Variants in SHC3 observed in about 807,000 individuals in gnomAD.
SHC3 encodes SHC adaptor protein 3.
In SHC3, 15 loss-of-function variants were observed where a neutral mutation model predicts 60.4. That is an observed-to-expected ratio of 0.25 (90% CI 0.17 to 0.38). SHC3 has a LOEUF of 0.38. Among genes scored for constraint, SHC3 ranks in the 10% least tolerant of loss-of-function variants. The probability of loss-of-function intolerance (pLI) is 1.00; values close to 1 mark genes in which losing one functional copy is unlikely to be tolerated. For missense variants in SHC3, 677 were observed against 786.1 expected, an observed-to-expected ratio of 0.86 and a Z score of 1.66; for synonymous variants, 294 against 325.9, an observed-to-expected ratio of 0.90 and a Z score of 1.05.
chr9:89,093,551 TC>T (rs1825657172), intron 2 of SHC3, among the ~76,000 whole-genome samples: 1 of 137,176 alleles, frequency 7.3e-6, no homozygotes. Context: ...AAGTAGAGTC[TC>T]CAAAAAAAAA....
intron 11 of SHC3, among the ~76,000 whole-genome samples, chr9:89,027,083 A>G (rs1199524940): frequency 6.6e-6 from 1 of 152,204 alleles, no homozygotes; most frequent in East Asian, 1.9e-4. Context: ...AATTGTTCCC[A>G]GTCAGGATTT....
intron 10 of SHC3, among the ~76,000 whole-genome samples, chr9:89,039,779 C>G (rs1346706949): frequency 6.7e-6 from 1 of 148,420 alleles, no homozygotes; most frequent in Non-Finnish European, 1.5e-5. Flanking sequence ...CATCACTATC[C>G]CCTCACCATT....
chr9:89,021,910 C>T (rs9410295), intron 11 of SHC3, among the ~76,000 whole-genome samples: 62,904 of 152,020 alleles, frequency 0.41, 14,542 homozygotes, highest in East Asian at 0.84. Context: ...CTCTGCCTGC[C>T]CCTGGGGGCT....
chr9:89,070,926 C>T (rs968822280), intron 5 of SHC3, among the ~76,000 whole-genome samples: 14 of 152,282 alleles, frequency 9.2e-5, no homozygotes, highest in Admixed American at 2.6e-4. Context: ...GCCAGGGGGA[C>T]TATTTCATCA....
chr9:89,088,016 A>T (rs1475254101), intron 2 of SHC3, among the ~76,000 whole-genome samples: 1 of 152,200 alleles, frequency 6.6e-6, no homozygotes. Context: ...GAAAATCTAC[A>T]CTCTGTAGAA....
intron 1 of SHC3, among the ~76,000 whole-genome samples, chr9:89,123,384 A>G (rs1011414566): frequency 1.3e-5 from 2 of 152,202 alleles, no homozygotes; most frequent in Non-Finnish European, 2.9e-5. Context: ...ATTAGAAACT[A>G]TCTGGAACCT....
intron 2 of SHC3, among the ~76,000 whole-genome samples, chr9:89,100,931 C>G (rs1251673691): frequency 2.0e-5 from 3 of 152,168 alleles, no homozygotes; most frequent in Non-Finnish European, 4.4e-5. Context: ...ATTTAAGATT[C>G]AGCTTGTCAA....
In SHC3 at chr9:89,178,312, C is replaced by T; in HGVS notation, c.149G>A (p.Gly50Asp). The T allele has an allele frequency of 6.3e-7, 1 of 1,589,498 alleles. No individual in the cohort carries two copies. Residue 50 changes from glycine to aspartate, a missense_variant, in exon 1 of 12, where the codon GGC becomes GAC. By Grantham distance (94) the Gly-to-Asp change is moderately conservative (BLOSUM62 -1). Coordinates refer to ENST00000375835, the MANE Select transcript of SHC3 (RefSeq NM_016848.6). The surrounding 1 kb of genome is among the most constrained non-coding windows in gnomAD (Gnocchi z 6.9). ...TPAAAPYLVSGEALRKAPDDG... is the reference protein window; with the variant it reads ...TPAAAPYLVSDEALRKAPDDG... ...GTCGGGCGCCTTGCGCAGCGCCTCGCCGGACACCAAGTAGGGAGCCGCCGC... is the reference window on the plus strand; with the variant it reads ...GTCGGGCGCCTTGCGCAGCGCCTCGTCGGACACCAAGTAGGGAGCCGCCGC...
chr9:89,168,361 A>G (rs1299727155), intron 1 of SHC3, among the ~76,000 whole-genome samples: 1 of 152,064 alleles, frequency 6.6e-6, no homozygotes, highest in Non-Finnish European at 1.5e-5. Flanking sequence ...GCTACTCAGG[A>G]GGCTGAGGCA....
chr9:89,166,539 G>T (rs1027424205), intron 1 of SHC3, among the ~76,000 whole-genome samples: 4 of 152,190 alleles, frequency 2.6e-5, no homozygotes, highest in African/African-American at 9.7e-5. Context: ...AGTCCTCCAG[G>T]GAGAGGCTGT....
At position 89,069,664 on chromosome 9, in the gene SHC3, C is replaced by G. The variant is rs568626437; in HGVS notation, c.783+1535G>C. Among the ~76,000 whole-genome samples, 6 of 152,340 alleles carry G rather than the reference C, an allele frequency of 3.9e-5. No homozygotes were observed. In the South Asian group the frequency reaches 1.2e-3, roughly 32 times the overall value. ...TTGGCTCAAGGGTCTGAGATGGGGT[C>G]ACTGAGAAGCAGCAGGGCCCAAGCC... On this transcript the variant is annotated intron_variant, in intron 5 of 11. Coordinates refer to ENST00000375835, the MANE Select transcript of SHC3 (RefSeq NM_016848.6).
At chr9:89,168,883 A>T (rs377250509) in intron 1 of SHC3, among the ~76,000 whole-genome samples, 2 of 152,130 alleles carry the variant, frequency 1.3e-5, no homozygotes, top group Non-Finnish European at 2.9e-5. Flanking sequence ...ATAGGAGAGA[A>T]TTCCTCTTGT....
At chr9:89,022,926 T>G (rs1440473914) in intron 11 of SHC3, among the ~76,000 whole-genome samples, 2 of 152,360 alleles carry the variant, frequency 1.3e-5, no homozygotes, top group Admixed American at 6.5e-5. Context: ...AATTGCACTA[T>G]TTTGCACCTC....
chr9:89,036,245 C>T (rs1429198164), intron 11 of SHC3, among the ~76,000 whole-genome samples: 1 of 152,130 alleles, frequency 6.6e-6, no homozygotes, highest in African/African-American at 2.4e-5. Context: ...AAGATAAGAA[C>T]ATAAAATTTA....
intron 2 of SHC3, among the ~76,000 whole-genome samples, chr9:89,105,715 C>T (rs1249377084): frequency 6.6e-6 from 1 of 152,136 alleles, no homozygotes; most frequent in East Asian, 1.9e-4. Flanking sequence ...ATCCTAGTGT[C>T]ATCCTCATCA....
chr9:89,174,827 TA>T (rs1435835433), intron 1 of SHC3, among the ~76,000 whole-genome samples: 1 of 152,232 alleles, frequency 6.6e-6, no homozygotes, highest in Non-Finnish European at 1.5e-5. Context: ...ACTGGCTCTT[TA>T]AAAACTGAAC....
In SHC3 at chr9:89,073,435, TTGC is replaced by T. The variant is rs566821115; in HGVS notation, c.729+1671_729+1673del. On this transcript the variant is annotated intron_variant, in intron 4 of 11. Transcript: ENST00000375835. ...TCTGTAGAGGGGAGCGGCTGTTGTC[TTGC>T]TGCTGTCTCACTGGATGGAGAAGGG... 2.2e-4 allele frequency among the ~76,000 whole-genome samples: 33 copies of T among 152,320 alleles called. No homozygotes were observed. In the East Asian group the frequency reaches 6.4e-3, roughly 29 times the overall value.
intron 11 of SHC3, among the ~76,000 whole-genome samples, chr9:89,027,646 T>C (rs1165073227): frequency 1.3e-5 from 2 of 152,130 alleles, no homozygotes; most frequent in African/African-American, 4.8e-5. Context: ...TTCATAGCAG[T>C]TAGGATGAGT....
chr9:89,012,471 G>A lies in SHC3; in HGVS notation c.*976C>T, dbSNP rs911315905. 4 of 152,148 alleles carry A rather than the reference G, an allele frequency of 2.6e-5. No individual in the cohort carries two copies. 9.4% of individuals were successfully genotyped at this position (152,148 alleles called of 1,614,324 possible). A position where few individuals can be genotyped will look rare whatever the true frequency, so the allele number is the denominator to read the frequency against. On this transcript the variant is annotated 3_prime_UTR_variant, in exon 12 of 12. Transcript: ENST00000375835. ...CCTGAGTCTTCGGGACTGAGCTCTG[G>A]GATGGGTGCCTGCTCTTGCTGTCAC...
Sources: allele counts gnomAD v4.1 joint callset (sites outside exome capture counted in the v4.1 genomes callset), GRCh38; gene constraint gnomAD v4.1.1; non-coding constraint Gnocchi (gnomAD v3.1); transcripts MANE v1.5; gene names NCBI Gene and HGNC (gene_info 2026-07-23, HGNC 2026-07-21).